Variants in CDH12 observed in about 807,000 individuals in gnomAD.
CDH12 encodes cadherin 12.
CDH12 carries 41 observed loss-of-function variants against 74.1 expected under a neutral mutation model. The ratio of observed to expected loss-of-function variants is 0.55; its 90% CI spans 0.43 to 0.72. The LOEUF is 0.72. Among genes scored for constraint, CDH12 ranks in the 30% least tolerant of loss-of-function variants. The pLI is 0.00. For missense variants in CDH12, 945 were observed against 977.2 expected, an observed-to-expected ratio of 0.97 and a Z score of 0.44; for synonymous variants, 399 against 355.0, an observed-to-expected ratio of 1.12 and a Z score of -1.39.
chr5:22,842,470 A>G (rs1244304373), intron 1 of CDH12, among the ~76,000 whole-genome samples: 1 of 152,100 alleles, frequency 6.6e-6, no homozygotes, highest in Non-Finnish European at 1.5e-5. Flanking sequence ...AGTTTTTTGC[A>G]AGAGAGTTAC....
chr5:22,441,394 T>C (rs1240328410), intron 2 of CDH12, among the ~76,000 whole-genome samples: 1 of 152,116 alleles, frequency 6.6e-6, no homozygotes, highest in African/African-American at 2.4e-5. Flanking sequence ...TTTTTTGGTA[T>C]GTCCAAGACA....
intron 2 of CDH12, among the ~76,000 whole-genome samples, chr5:22,428,496 A>G (rs1303936918): frequency 6.6e-6 from 1 of 152,020 alleles, no homozygotes; most frequent in East Asian, 1.9e-4. Context: ...ATAGAGAAAG[A>G]GATGTTGAAA....
At chr5:21,828,594 C>T (rs1748812866) in intron 8 of CDH12, among the ~76,000 whole-genome samples, 1 of 152,150 alleles carries the variant, frequency 6.6e-6, no homozygotes, top group Non-Finnish European at 1.5e-5. Flanking sequence ...TCTTTCATAA[C>T]AACCCATTCA....
At position 22,298,256 on chromosome 5, in the gene CDH12, G is replaced by GTA. The variant is rs1253520510; in HGVS notation, c.-332-85615_-332-85614dup. On this transcript the variant is annotated intron_variant, in intron 3 of 14. Coordinates refer to ENST00000382254, the MANE Select transcript of CDH12 (RefSeq NM_004061.5). ...TATGCATATATTCATGTGTATGTGT[G>GTA]TATATATATATAGCACTTATTTAAA... is the stretch of plus-strand genomic sequence containing the variant. 2.0e-3 allele frequency among the ~76,000 whole-genome samples: 295 copies of GTA among 150,828 alleles called. 1 individual carries two copies. Among genetic ancestry groups the GTA allele is most frequent in the African/African-American group, 6.6e-3 (270 of 41,208 alleles).
At chr5:21,981,359 A>G (rs943421095) in intron 5 of CDH12, among the ~76,000 whole-genome samples, 13 of 151,696 alleles carry the variant, frequency 8.6e-5, no homozygotes, top group Non-Finnish European at 1.5e-4. Flanking sequence ...CTTACCTCCT[A>G]GTCTATATAT....
At chr5:22,287,191 C>T (rs934463636) in intron 3 of CDH12, among the ~76,000 whole-genome samples, 9 of 152,154 alleles carry the variant, frequency 5.9e-5, no homozygotes, top group Non-Finnish European at 1.2e-4. Context: ...TATGGTTATG[C>T]TGCTAATGCT....
intron 13 of CDH12, 48 bp from the exon 14 acceptor site, chr5:21,755,890 T>A (rs767937117): frequency 6.3e-7 from 1 of 1,585,718 alleles, no homozygotes; most frequent in South Asian, 1.1e-5. Flanking sequence ...AAGCTTCACT[T>A]CAAATCTTCA....
At chr5:22,580,436 C>T in intron 1 of CDH12, 1 of 511,756 alleles carries the variant, frequency 2.0e-6, no homozygotes, top group South Asian at 1.4e-5. Flanking sequence ...CCTCCAAGTA[C>T]TGCCACTTGA....
intron 4 of CDH12, among the ~76,000 whole-genome samples, chr5:22,117,478 TTA>T (rs375412033): frequency 1.2e-4 from 8 of 68,288 alleles, no homozygotes; most frequent in Non-Finnish European, 1.6e-4. Flanking sequence ...AATATATATA[TTA>T]TATATATATT....
chr5:21,755,686 G>A lies in CDH12; in HGVS notation c.1790C>T (p.Thr597Ile), dbSNP rs1297864863. 1 of 1,614,060 alleles carries A rather than the reference G, an allele frequency of 6.2e-7. No homozygotes were observed. Among genetic ancestry groups the A allele is most frequent in the South Asian group, 1.1e-5 (1 of 91,072 alleles). ...TGCTTCCACATTACAAGACAGGATG[G>A]TGCCATCAGAGTCACATCTACAGAC... ...IRVCRCDSDG[T>I]ILSCNVEAIF... The change falls in exon 14 of 15, where the codon ACC becomes ATC. Residue 597 changes from threonine (T) to isoleucine (I), a missense_variant. By Grantham distance (89) the Thr-to-Ile change is moderately conservative. Coordinates refer to ENST00000382254, the MANE Select transcript of CDH12 (RefSeq NM_004061.5).
chr5:21,844,154 T>A (rs1404311541), intron 7 of CDH12, among the ~76,000 whole-genome samples: 1 of 152,130 alleles, frequency 6.6e-6, no homozygotes, highest in Non-Finnish European at 1.5e-5. Flanking sequence ...GATTAAAACA[T>A]TAAGATGCAA....
chr5:22,552,161 T>C (rs770988965), intron 1 of CDH12, among the ~76,000 whole-genome samples: 2 of 152,162 alleles, frequency 1.3e-5, no homozygotes, highest in African/African-American at 4.8e-5. Flanking sequence ...AATTTTATTA[T>C]GTTGAGACTT....
intron 3 of CDH12, among the ~76,000 whole-genome samples, chr5:22,238,723 C>T (rs2150379453): frequency 6.6e-6 from 1 of 152,254 alleles, no homozygotes; most frequent in Non-Finnish European, 1.5e-5. Context: ...AGGAGGAATG[C>T]ATGCATTTAA....
intron 4 of CDH12, chr5:22,144,226 T>C (rs1747009878): frequency 6.6e-6 from 1 of 152,206 alleles, no homozygotes; most frequent in Non-Finnish European, 1.5e-5. Context: ...CCACTAACTG[T>C]TTAGAAATAT....
chr5:21,822,593 C>G (rs1316042223), intron 8 of CDH12, among the ~76,000 whole-genome samples: 3 of 151,990 alleles, frequency 2.0e-5, no homozygotes, highest in Non-Finnish European at 2.9e-5. Flanking sequence ...TTTAGTCAAG[C>G]ATACTAAACA....
chr5:21,801,445 C>T (rs572820269), intron 10 of CDH12, among the ~76,000 whole-genome samples: 1 of 152,050 alleles, frequency 6.6e-6, no homozygotes. Context: ...TACAATAGAA[C>T]GAATGGGAAA....
At chr5:22,207,608 A>G (rs1751289564) in intron 4 of CDH12, among the ~76,000 whole-genome samples, 1 of 152,236 alleles carries the variant, frequency 6.6e-6, no homozygotes, top group Admixed American at 6.5e-5. Flanking sequence ...AATGTACGTA[A>G]GAAAGAGTCA....
At chr5:22,757,011 C>T (rs1216417851) in intron 1 of CDH12, among the ~76,000 whole-genome samples, 1 of 152,000 alleles carries the variant, frequency 6.6e-6, no homozygotes, top group Non-Finnish European at 1.5e-5. Context: ...CTTATTCATG[C>T]TAGCTGTTTT....
chr5:22,096,996 A>G (rs1185316978), intron 4 of CDH12, among the ~76,000 whole-genome samples: 1 of 152,168 alleles, frequency 6.6e-6, no homozygotes, highest in African/African-American at 2.4e-5. Flanking sequence ...TCTGAGTTGC[A>G]ATTCCTTGCC....
Sources: gnomAD v4.1 joint callset for allele counts (sites outside exome capture counted in the v4.1 genomes callset) on GRCh38, gnomAD v4.1.1 for gene constraint, MANE v1.5 for transcripts, NCBI Gene and HGNC (gene_info 2026-07-23, HGNC 2026-07-21) for gene names.